Variants in TLE4 observed in about 807,000 individuals in gnomAD.
The protein encoded by TLE4 is transducin-like enhancer protein 4.
Under a neutral mutation model 92.8 loss-of-function variants are expected in TLE4, and 8 were observed. The observed-to-expected ratio is 0.09, with a 90% CI of 0.05 to 0.16. The LOEUF (loss-of-function observed/expected upper bound fraction) is 0.16. TLE4 is among the 10% of genes least tolerant of loss of function. The pLI, the probability that TLE4 is intolerant of heterozygous loss-of-function variation, is 1.00. For missense variants in TLE4, 675 were observed against 997.6 expected, an observed-to-expected ratio of 0.68 and a Z score of 4.36; for synonymous variants, 371 against 374.1, an observed-to-expected ratio of 0.99 and a Z score of 0.10.
chr9:79,691,345 G>A (rs2067038215), intron 8 of TLE4, among the ~76,000 whole-genome samples: 1 of 152,190 alleles, frequency 6.6e-6, no homozygotes. Flanking sequence ...ATACACAGAA[G>A]GTTTATATTG....
intron 8 of TLE4, among the ~76,000 whole-genome samples, chr9:79,673,932 C>T (rs768394479): frequency 4.6e-5 from 7 of 152,102 alleles, no homozygotes; most frequent in South Asian, 2.1e-4. Context: ...TTTGTAGGGC[C>T]GTTCTGCTTA....
chr9:79,636,027 C>T (rs2055702701), intron 6 of TLE4, among the ~76,000 whole-genome samples: 1 of 152,100 alleles, frequency 6.6e-6, no homozygotes, highest in South Asian at 2.1e-4. Flanking sequence ...ATGCCTTTAG[C>T]TAGACTCTTC....
At chr9:79,666,523 G>A (rs186592993) in intron 8 of TLE4, among the ~76,000 whole-genome samples, 2 of 152,178 alleles carry the variant, frequency 1.3e-5, no homozygotes, top group Non-Finnish European at 2.9e-5. Context: ...ACAGGCGTGA[G>A]CCATCACGCC....
At chr9:79,575,999 G>T in intron 3 of TLE4, 134 bp from the exon 4 acceptor site, 2 of 498,596 alleles carry the variant, frequency 4.0e-6, no homozygotes, top group Non-Finnish European at 6.9e-6. Flanking sequence ...TGATTTATTG[G>T]CATAGGTTAT....
intron 4 of TLE4, among the ~76,000 whole-genome samples, chr9:79,599,168 A>ATAAGTT (rs1780438468): frequency 6.6e-6 from 1 of 152,160 alleles, no homozygotes; most frequent in African/African-American, 2.4e-5. Context: ...CTTTCCTAGG[A>ATAAGTT]ATTGACCTTG....
intron 8 of TLE4, among the ~76,000 whole-genome samples, chr9:79,692,182 T>C (rs1299494124): frequency 6.6e-6 from 1 of 152,200 alleles, no homozygotes; most frequent in Non-Finnish European, 1.5e-5. Context: ...CACTTAGCAT[T>C]GTAACTCAAG....
intron 4 of TLE4, among the ~76,000 whole-genome samples, chr9:79,592,934 C>T (rs551598744): frequency 7.2e-5 from 11 of 152,094 alleles, no homozygotes; most frequent in Non-Finnish European, 1.6e-4. Flanking sequence ...TCATTATGTC[C>T]CTGATGAGCT....
intron 8 of TLE4, chr9:79,671,542 C>G (rs1270605943): frequency 3.8e-6 from 1 of 264,076 alleles, no homozygotes; most frequent in Non-Finnish European, 7.9e-6. Flanking sequence ...CCAACAGATG[C>G]TTGTCGAGCA....
At chr9:79,617,943 A>C (rs1464191805) in intron 5 of TLE4, among the ~76,000 whole-genome samples, 1 of 152,040 alleles carries the variant, frequency 6.6e-6, no homozygotes, top group Non-Finnish European at 1.5e-5. Context: ...GGTTCCTTTT[A>C]TATCGACGTT....
intron 4 of TLE4, among the ~76,000 whole-genome samples, chr9:79,610,379 G>C (rs917267267): frequency 2.0e-5 from 3 of 152,070 alleles, no homozygotes; most frequent in Non-Finnish European, 4.4e-5. Context: ...GATCGCTAAA[G>C]CCCAGTGGAA....
chr9:79,589,602 C>T (rs775995458), intron 4 of TLE4, among the ~76,000 whole-genome samples: 6 of 151,924 alleles, frequency 3.9e-5, no homozygotes, highest in Non-Finnish European at 7.4e-5. Context: ...TATGTGAGAC[C>T]CATTAGTCCT....
intron 6 of TLE4, among the ~76,000 whole-genome samples, chr9:79,649,184 G>T (rs1256771062): frequency 6.6e-6 from 1 of 151,600 alleles, no homozygotes; most frequent in Admixed American, 6.6e-5. Context: ...GTGTGTAGAG[G>T]AGGGGCTTGT....
intron 8 of TLE4, chr9:79,668,717 G>A (rs1039059361): frequency 2.0e-6 from 1 of 510,352 alleles, no homozygotes. Context: ...GGATTAAGAA[G>A]AACAGTATAT....
chr9:79,667,323 C>G (rs958732125), intron 8 of TLE4, among the ~76,000 whole-genome samples: 1 of 152,148 alleles, frequency 6.6e-6, no homozygotes, highest in Non-Finnish European at 1.5e-5. Flanking sequence ...CCAGGGCCCA[C>G]GTCAGGGGCC....
At chr9:79,664,991 T>C (rs2061163376) in intron 8 of TLE4, among the ~76,000 whole-genome samples, 1 of 152,238 alleles carries the variant, frequency 6.6e-6, no homozygotes, top group Non-Finnish European at 1.5e-5. Context: ...GGATGTAGTC[T>C]ATTTGGTTAA....
chr9:79,724,955 A>T lies in TLE4; in HGVS notation c.2215-82A>T. 3 of 1,032,860 alleles carry T rather than the reference A, an allele frequency of 2.9e-6. No homozygotes were observed. The South Asian group carries it at 3.8e-5, about 13-fold the overall frequency. The allele number at this position is 1,032,860 out of a possible 1,614,324, so 64.0% of individuals were successfully genotyped here. A position where few individuals can be genotyped will look rare whatever the true frequency, so the allele number is the denominator to read the frequency against. On this transcript the variant is annotated intron_variant, in intron 19 of 19. Coordinates refer to ENST00000376552, the MANE Select transcript of TLE4 (RefSeq NM_007005.6). ...TCTGTTTGGTCAAGGAGCACATTAC[A>T]TTTGCATTTGCTCTAAGTCCTCCAT...
intron 8 of TLE4, among the ~76,000 whole-genome samples, chr9:79,699,274 A>T (rs1720834878): frequency 6.6e-6 from 1 of 152,118 alleles, no homozygotes; most frequent in African/African-American, 2.4e-5. Flanking sequence ...TCAGTAAAGG[A>T]TCTACAGGGG....
At chr9:79,689,918 C>G (rs1254698670) in intron 8 of TLE4, among the ~76,000 whole-genome samples, 1 of 152,180 alleles carries the variant, frequency 6.6e-6, no homozygotes, top group South Asian at 2.1e-4. Context: ...CCTACCCTCT[C>G]TGGACAGCGT....
At chr9:79,596,875 G>GT (rs2044168950) in intron 4 of TLE4, among the ~76,000 whole-genome samples, 1 of 152,178 alleles carries the variant, frequency 6.6e-6, no homozygotes, top group African/African-American at 2.4e-5. Context: ...GGTTTAGCTA[G>GT]TCTAGAAATT....
Sources: gnomAD v4.1 joint callset for allele counts (sites outside exome capture counted in the v4.1 genomes callset) on GRCh38, gnomAD v4.1.1 for gene constraint, MANE v1.5 for transcripts, NCBI Gene and HGNC (gene_info 2026-07-23, HGNC 2026-07-21) for gene names.